The following DEUP1 variants were observed in gnomAD, a reference collection of about 807,000 sequenced individuals.
DEUP1 encodes the protein coiled-coil domain containing 67.
A neutral mutation model predicts 87.4 loss-of-function variants in DEUP1; 82 were observed. The observed-to-expected ratio is 0.94, with a 90% CI of 0.78 to 1.13. DEUP1 has a LOEUF of 1.13. Ranked by LOEUF, DEUP1 falls within the 50% of genes most tolerant of loss-of-function variation. The pLI, the probability that DEUP1 is intolerant of heterozygous loss-of-function variation, is 0.00. For missense variants in DEUP1, 663 were observed against 681.5 expected, an observed-to-expected ratio of 0.97 and a Z score of 0.30; for synonymous variants, 214 against 222.7, an observed-to-expected ratio of 0.96 and a Z score of 0.35.
chr11:93,350,829 G>A (rs1944590750), intron 2 of DEUP1, among the ~76,000 whole-genome samples: 1 of 151,852 alleles, frequency 6.6e-6, no homozygotes, highest in South Asian at 2.1e-4. Context: ...GGTAGCACAT[G>A]CCTGTAGTCC....
At chr11:93,428,561 A>G (rs2134494244) in intron 13 of DEUP1, among the ~76,000 whole-genome samples, 1 of 152,232 alleles carries the variant, frequency 6.6e-6, no homozygotes, top group South Asian at 2.1e-4. Flanking sequence ...AAACCTGCAC[A>G]TTGTGCACAT....
rs1945618640 is a variant in DEUP1, at chr11:93,369,785, G to A, written c.433-288G>A. 4.5e-5 allele frequency among the ~76,000 whole-genome samples: 2 copies of A among 44,292 alleles called. 1 individual carries two copies. Among genetic ancestry groups the A allele is most frequent in the Non-Finnish European group, 8.5e-5 (2 of 23,578 alleles). The allele number at this position is 44,292 out of a possible 152,430, so 29.1% of individuals were successfully genotyped here. A position where few individuals can be genotyped will look rare whatever the true frequency, so the allele number is the denominator to read the frequency against. ...TCTCTACTAAAAATACAAAAAATTA[G>A]CCGGGCGAGGTGGCGGGCGCCTGTA... On this transcript the variant is annotated intron_variant, in intron 5 of 13. Coordinates refer to ENST00000298050, the MANE Select transcript of DEUP1 (RefSeq NM_181645.4).
chr11:93,428,144 A>G (rs548741395), intron 13 of DEUP1, among the ~76,000 whole-genome samples: 1 of 152,288 alleles, frequency 6.6e-6, no homozygotes, highest in South Asian at 2.1e-4. Context: ...ACACATGCAC[A>G]TGTATGTTTA....
rs7948572 is a variant in DEUP1, at chr11:93,373,653, G to T, written c.789+2373G>T. On this transcript the variant is annotated intron_variant, in intron 7 of 13. Transcript: ENST00000298050. ...TATATATATATATATATATATATAC[G>T]TATATATATGCCACATTTTCTTTAT... 2.0e-4 allele frequency among the ~76,000 whole-genome samples: 21 copies of T among 104,758 alleles called. No homozygotes were observed. In the East Asian group the frequency reaches 5.0e-3, roughly 25 times the overall value. 68.7% of individuals were successfully genotyped at this position (104,758 alleles called of 152,430 possible). A position where few individuals can be genotyped will look rare whatever the true frequency, so the allele number is the denominator to read the frequency against.
intron 11 of DEUP1, among the ~76,000 whole-genome samples, chr11:93,397,438 A>C (rs1946976496): frequency 6.6e-6 from 1 of 152,230 alleles, no homozygotes; most frequent in Non-Finnish European, 1.5e-5. Context: ...TGAACACACA[A>C]AAAGTTAAAT....
At chr11:93,336,222 T>C (rs1274645087) in intron 2 of DEUP1, among the ~76,000 whole-genome samples, 1 of 152,158 alleles carries the variant, frequency 6.6e-6, no homozygotes, top group Non-Finnish European at 1.5e-5. Flanking sequence ...AGGCATGTTT[T>C]ATGTGGCCAG....
At chr11:93,435,269 C>A (rs1041090850) in intron 13 of DEUP1, among the ~76,000 whole-genome samples, 1 of 152,012 alleles carries the variant, frequency 6.6e-6, no homozygotes, top group Non-Finnish European at 1.5e-5. Context: ...AAGAGCTCAG[C>A]TTTGGTTTCT....
chr11:93,415,251 T>C (rs911305985), intron 13 of DEUP1, 137 bp downstream of exon 13: 10 of 497,752 alleles, frequency 2.0e-5, no homozygotes, highest in Non-Finnish European at 3.6e-5. Context: ...AAGATGGGTC[T>C]GCGAGCCATT....
chr11:93,433,768 AAGGGG>A (rs1948165348), intron 13 of DEUP1, among the ~76,000 whole-genome samples: 1 of 152,198 alleles, frequency 6.6e-6, no homozygotes, highest in South Asian at 2.1e-4. Flanking sequence ...CAGGCTAGGG[AAGGGG>A]AGGAAAATTA....
chr11:93,376,576 T>C (rs1045307424), intron 7 of DEUP1, among the ~76,000 whole-genome samples: 3 of 152,188 alleles, frequency 2.0e-5, no homozygotes, highest in Non-Finnish European at 2.9e-5. Flanking sequence ...AGCCATCTTT[T>C]TGTTTCATTA....
chr11:93,333,121 A>G (rs1943573819), intron 2 of DEUP1, among the ~76,000 whole-genome samples: 1 of 152,248 alleles, frequency 6.6e-6, no homozygotes, highest in African/African-American at 2.4e-5. Flanking sequence ...TTCTTACAAC[A>G]GCCCTGCTAG....
intron 11 of DEUP1, among the ~76,000 whole-genome samples, chr11:93,407,308 T>C (rs1292964595): frequency 6.6e-6 from 1 of 152,162 alleles, no homozygotes; most frequent in Non-Finnish European, 1.5e-5. Context: ...CAAATACTTA[T>C]ACAAGTTTGT....
Position 93,415,019 on chromosome 11 carries a change from C to G in DEUP1, c.1543C>G (p.Pro515Ala). The G allele has an allele frequency of 6.3e-7, 1 of 1,581,758 alleles. No individual in the cohort carries two copies. The change falls in exon 13 of 14, where the codon CCA becomes GCA. Residue 515 changes from proline (P) to alanine (A), a missense_variant. Physicochemically the swap from Pro to Ala is conservative, Grantham distance 27. Transcript: ENST00000298050. ...TTTTAGACTTAGTCATGACTGTGAG[C>G]CAAACAGAAGTACAATGCCTCCCTT... Reference protein sequence around the residue: ...NEERLSHDCEPNRSTMPPLPP... With the variant: ...NEERLSHDCEANRSTMPPLPP...
At chr11:93,411,905 T>C (rs973940849) in intron 12 of DEUP1, among the ~76,000 whole-genome samples, 3 of 152,210 alleles carry the variant, frequency 2.0e-5, no homozygotes, top group African/African-American at 4.8e-5. Context: ...AGCAGGTTTG[T>C]AATAACCACT....
At position 93,355,392 on chromosome 11, in the gene DEUP1, G is replaced by A; in HGVS notation, c.51G>A (p.Glu17=). 6.2e-7 allele frequency: 1 copy of A among 1,613,496 alleles called. No individual in the cohort carries two copies. Among genetic ancestry groups the A allele is most frequent in the Non-Finnish European group, 8.5e-7 (1 of 1,179,694 alleles). Residue 17 remains glutamate, a synonymous_variant, in exon 3 of 14, where the codon GAG becomes GAA. Transcript: ENST00000298050. ...CCAGAACTTCTCCTTGTGAGGCTGA[G>A]CTTCAGGAATTAATGGAACAAATTG... is the stretch of plus-strand genomic sequence containing the variant. The part of the protein sequence containing the change: ...NTMGTSPCEA[E]LQELMEQIDI...
chr11:93,380,444 A>C (rs1477388066), intron 7 of DEUP1, among the ~76,000 whole-genome samples: 1 of 152,084 alleles, frequency 6.6e-6, no homozygotes, highest in Non-Finnish European at 1.5e-5. Flanking sequence ...TCTGTTGCCC[A>C]GGCTGGAGTG....
intron 2 of DEUP1, among the ~76,000 whole-genome samples, chr11:93,353,067 C>A (rs1370935773): frequency 6.6e-6 from 1 of 152,116 alleles, no homozygotes; most frequent in Non-Finnish European, 1.5e-5. Context: ...TCATCTGAGA[C>A]AAGGCAAGTC....
chr11:93,428,808 C>A (rs558279923), intron 13 of DEUP1, among the ~76,000 whole-genome samples: 1 of 151,968 alleles, frequency 6.6e-6, no homozygotes, highest in South Asian at 2.1e-4. Context: ...TATATATAAG[C>A]CTTTTATTAA....
chr11:93,428,268 A>C (rs868742878), intron 13 of DEUP1, among the ~76,000 whole-genome samples: 60 of 152,162 alleles, frequency 3.9e-4, no homozygotes, highest in African/African-American at 1.3e-3. Flanking sequence ...TGCAGCCATA[A>C]AAAATGATGA....
Sources: allele counts gnomAD v4.1 joint callset (sites outside exome capture counted in the v4.1 genomes callset), GRCh38; gene constraint gnomAD v4.1.1; transcripts MANE v1.5; gene names NCBI Gene and HGNC (gene_info 2026-07-23, HGNC 2026-07-21).